POLR3A: variants seen among roughly 807,000 people sequenced by gnomAD.
POLR3A encodes the protein RNA polymerase III subunit A.
POLR3A carries 112 observed loss-of-function variants against 152.8 expected under a neutral mutation model. The observed-to-expected ratio is 0.73, with a 90% CI of 0.63 to 0.86. POLR3A has a LOEUF of 0.86. Ranked by LOEUF, POLR3A falls within the 40% of genes least tolerant of loss-of-function variation. The probability of loss-of-function intolerance (pLI) is 0.00; values close to 1 mark genes in which losing one functional copy is unlikely to be tolerated. For missense variants in POLR3A, 1,385 were observed against 1,743.1 expected (o/e 0.79, Z 3.66); for synonymous variants, 615 against 652.1 (o/e 0.94, Z 0.87).
At chr10:77,992,622 T>C (rs1331777368) in intron 20 of POLR3A, among the ~76,000 whole-genome samples, 5 of 152,016 alleles carry the variant, frequency 3.3e-5, no homozygotes, top group Non-Finnish European at 5.9e-5. Flanking sequence ...TTTGTATCTT[T>C]AGTAGAGATG....
chr10:77,993,987 C>T (rs769957654), intron 19 of POLR3A, among the ~76,000 whole-genome samples: 2 of 152,100 alleles, frequency 1.3e-5, no homozygotes, highest in Admixed American at 6.6e-5. Flanking sequence ...ACAAAAAATC[C>T]CTTATGCCAG....
chr10:77,975,432 C>T lies in POLR3A; in HGVS notation c.*2046G>A, dbSNP rs1847077558. The T allele has an allele frequency of 6.6e-6, 1 of 152,262 alleles. No individual in the cohort carries two copies. Among genetic ancestry groups the T allele is most frequent in the Admixed American group, 6.5e-5 (1 of 15,282 alleles). 9.4% of individuals were successfully genotyped at this position (152,262 alleles called of 1,614,324 possible). Reference sequence around the variant, plus strand: ...AGTTCCAGGAGGAGGACCAGCACCTCCAGGACGTATGACTTCCCCCCCTAC... The same window carrying T: ...AGTTCCAGGAGGAGGACCAGCACCTTCAGGACGTATGACTTCCCCCCCTAC... On this transcript the variant is annotated 3_prime_UTR_variant, in exon 31 of 31. Transcript: ENST00000372371.
intron 19 of POLR3A, among the ~76,000 whole-genome samples, chr10:77,995,510 C>T (rs1485239377): frequency 6.6e-6 from 1 of 152,082 alleles, no homozygotes; most frequent in Non-Finnish European, 1.5e-5. Flanking sequence ...GGGTGGCAAT[C>T]CTAGTCTCTG....
intron 8 of POLR3A, among the ~76,000 whole-genome samples, chr10:78,020,348 G>A (rs1413868226): frequency 6.6e-6 from 1 of 151,986 alleles, no homozygotes; most frequent in Non-Finnish European, 1.5e-5. Flanking sequence ...AAATTAGTTA[G>A]GCATAGTGGT....
chr10:77,984,281 G>T lies in POLR3A; in HGVS notation c.3260C>A (p.Ala1087Glu). The T allele has an allele frequency of 6.2e-7, 1 of 1,611,982 alleles. No individual in the cohort carries two copies. The highest frequency in any genetic ancestry group is 8.5e-7 in the Non-Finnish European group (1 of 1,178,212). Residue 1087 changes from alanine (A) to glutamate (E), a missense_variant, in exon 25 of 31, where the codon GCA (alanine) becomes GAA (glutamate). This residue lies in a region of POLR3A where 332 missense variants were observed against 400.1 expected (regional missense o/e 0.83). Transcript: ENST00000372371. The stretch of plus-strand genomic sequence containing the variant: ...CGCGTCGTCATCCTTGTCTAGCTGT[G>T]CTGTGATAATTGGAGTGCTGTTGAG... ...SKAISTPIIT[A>E]QLDKDDDADY...
At chr10:78,001,120 C>T in intron 17 of POLR3A, 26 bp from the exon 18 acceptor site, 2 of 1,224,254 alleles carry the variant, frequency 1.6e-6, no homozygotes, top group East Asian at 4.7e-5. Context: ...AGAAATGTAA[C>T]ATTCATTTAC....
chr10:78,009,584 C>T lies in POLR3A; in HGVS notation c.1862G>A (p.Gly621Asp), dbSNP rs757718124. Residue 621 changes from glycine to aspartate, a missense_variant, in exon 14 of 31, where the codon GGC (glycine) becomes GAC (aspartate). Around this residue, in one of 7 missense-constraint regions of POLR3A, gnomAD observed 188 missense variants for 179.9 expected, o/e 1.04. Transcript: ENST00000372371. Reference sequence around the variant, plus strand: ...TTCCCCTTTGCCACAGTACTGCTTGCCCTTGGTTCGCAGGTTGGCCCTCAC... The same window carrying T: ...TTCCCCTTTGCCACAGTACTGCTTGTCCTTGGTTCGCAGGTTGGCCCTCAC... ...NPVRANLRTKGKQYCGKGEDL... is the reference protein window; with the variant it reads ...NPVRANLRTKDKQYCGKGEDL... 4.3e-6 allele frequency: 7 copies of T among 1,614,190 alleles called. No homozygotes were observed. The highest frequency in any genetic ancestry group is 3.3e-5 in the Admixed American group (2 of 60,008).
At chr10:78,017,270 CAAAAACA>C (rs1847533803) in intron 10 of POLR3A, among the ~76,000 whole-genome samples, 1 of 151,526 alleles carries the variant, frequency 6.6e-6, no homozygotes, top group Non-Finnish European at 1.5e-5. Context: ...AACCAAAAAC[CAAAAACA>C]AAAAACAAAA....
At chr10:78,026,332 C>T (rs1847634631) in intron 1 of POLR3A, 103 bp from the exon 2 acceptor site, 1 of 1,166,104 alleles carries the variant, frequency 8.6e-7, no homozygotes, top group Non-Finnish European at 1.3e-6. Flanking sequence ...CCAACTGTCT[C>T]CACTGGCTTT....
intron 8 of POLR3A, 151 bp from the exon 9 acceptor site, chr10:78,019,416 T>C: frequency 1.5e-6 from 1 of 661,434 alleles, no homozygotes; most frequent in Non-Finnish European, 2.7e-6. Flanking sequence ...GTCTTGAGTA[T>C]AATGTGAACA....
At chr10:78,002,349 T>C (rs1298724270) in intron 16 of POLR3A, 41 bp from the exon 17 acceptor site, 6 of 1,224,324 alleles carry the variant, frequency 4.9e-6, no homozygotes, top group Non-Finnish European at 7.1e-6. Context: ...TTGTCCTCAT[T>C]GTCTCTGTGG....
rs749455645 is a variant in POLR3A at position 78,021,586 on chromosome 10, A to T, written c.1145T>A (p.Val382Glu). ...DPNLRIDEVA[V>E]PVHVAKILTF... is the part of the protein sequence containing the mutation. ...TAGAATTTTGGCCACATGAACTGGC[A>T]CAGCTACCTCATCAATCCGGAGGTT... The change falls in exon 8 of 31, where the codon GTG (valine) becomes GAG (glutamate). Residue 382 changes from valine to glutamate, a missense_variant. This residue lies in a region of POLR3A where 493 missense variants were observed against 647.5 expected (regional missense o/e 0.76). Coordinates refer to ENST00000372371, the MANE Select transcript of POLR3A (RefSeq NM_007055.4). 1.2e-6 allele frequency: 2 copies of T among 1,614,144 alleles called. No homozygotes were observed. Among genetic ancestry groups the T allele is most frequent in the Non-Finnish European group, 1.7e-6 (2 of 1,179,988 alleles).
intron 8 of POLR3A, among the ~76,000 whole-genome samples, chr10:78,020,874 T>C (rs1225395390): frequency 6.6e-6 from 1 of 152,212 alleles, no homozygotes; most frequent in Non-Finnish European, 1.5e-5. Flanking sequence ...GACTGTAAAG[T>C]TTTAAAAATA....
intron 19 of POLR3A, among the ~76,000 whole-genome samples, chr10:77,997,357 G>A (rs1449447964): frequency 6.6e-6 from 1 of 152,102 alleles, no homozygotes; most frequent in African/African-American, 2.4e-5. Context: ...TAGGAAAAGA[G>A]GAAGTCAAAT....
In POLR3A at chr10:77,996,018, C is replaced by T. The variant is rs1430803790; in HGVS notation, c.2617-2651G>A. Among the ~76,000 whole-genome samples the T allele has an allele frequency of 2.0e-5, 3 of 151,954 alleles. No homozygotes were observed. The South Asian group carries it at 6.2e-4, about 32-fold the overall frequency. ...CAGGATTAAGAAACTCACTCAAAAC[C>T]GCTCAACTACATGGAAACTGAACAA... On this transcript the variant is annotated intron_variant, in intron 19 of 30. Transcript: ENST00000372371.
At position 77,993,423 on chromosome 10, in the gene POLR3A, A is replaced by C. The variant is rs1269736081; in HGVS notation, c.2617-56T>G. 7 of 1,351,228 alleles carry C rather than the reference A, an allele frequency of 5.2e-6. No individual in the cohort carries two copies. In the African/African-American group the frequency reaches 5.7e-5, roughly 11 times the overall value. The allele number at this position is 1,351,228 out of a possible 1,614,324, so 83.7% of individuals were successfully genotyped here. On this transcript the variant is annotated intron_variant, in intron 19 of 30. Transcript: ENST00000372371. ...CTTTGAGAAGACTAGTCACATGGGGAGAGGATAAGATTTGCAACTCAAGAG... is the reference window on the plus strand; with the variant it reads ...CTTTGAGAAGACTAGTCACATGGGGCGAGGATAAGATTTGCAACTCAAGAG...
intron 19 of POLR3A, among the ~76,000 whole-genome samples, chr10:77,999,311 A>T (rs528048978): frequency 1.3e-3 from 197 of 152,324 alleles, no homozygotes; most frequent in African/African-American, 4.4e-3. Context: ...TAATAAAATT[A>T]AAAAAATACA....
chr10:77,979,532 G>C (rs1367929755), intron 30 of POLR3A, among the ~76,000 whole-genome samples: 1 of 152,226 alleles, frequency 6.6e-6, no homozygotes, highest in Non-Finnish European at 1.5e-5. Flanking sequence ...CCCCAGGCCA[G>C]CACAGCCCCA....
intron 8 of POLR3A, 34 bp downstream of exon 8, chr10:78,021,512 A>G (rs1847579252): frequency 6.2e-7 from 1 of 1,612,400 alleles, no homozygotes; most frequent in South Asian, 1.1e-5. Flanking sequence ...ACTGAATTTA[A>G]AACAAAGAAT....
Sources: allele counts gnomAD v4.1 joint callset (sites outside exome capture counted in the v4.1 genomes callset), GRCh38; gene constraint gnomAD v4.1.1; regional missense constraint gnomAD v4.1.1; transcripts MANE v1.5; gene names NCBI Gene and HGNC (gene_info 2026-07-23, HGNC 2026-07-21).